Variants in SUN1 observed in about 807,000 individuals in gnomAD.
SUN1 encodes the protein SUN domain-containing protein 1.
Under a neutral mutation model 103.2 loss-of-function variants are expected in SUN1, and 61 were observed. The observed-to-expected ratio is 0.59, with a 90% CI of 0.48 to 0.73. The LOEUF is 0.73. Ranked by LOEUF, SUN1 falls within the 30% of genes least tolerant of loss-of-function variation. The pLI, the probability that SUN1 is intolerant of heterozygous loss-of-function variation, is 0.00. For missense variants in SUN1, 1,052 were observed against 1,034.6 expected (o/e 1.02, Z -0.23); for synonymous variants, 490 against 425.7 (o/e 1.15, Z -1.86).
At chr7:840,877 G>A (rs906839672) in intron 2 of SUN1, among the ~76,000 whole-genome samples, 29 of 152,046 alleles carry the variant, frequency 1.9e-4, no homozygotes, top group African/African-American at 5.5e-4. Context: ...TCCTGACCTC[G>A]TGATCCACCT....
At chr7:866,298 G>T (rs1836499964) in intron 16 of SUN1, among the ~76,000 whole-genome samples, 1 of 152,152 alleles carries the variant, frequency 6.6e-6, no homozygotes. Flanking sequence ...GGGACCGTGT[G>T]GCACATGCTG....
intron 2 of SUN1, among the ~76,000 whole-genome samples, chr7:840,346 C>T (rs1017209823): frequency 3.3e-5 from 5 of 152,226 alleles, no homozygotes; most frequent in Admixed American, 6.5e-5. Context: ...TTACCAGGGT[C>T]GCACAGCAGC....
At chr7:830,899 C>A, upstream of SUN1, 1 of 967,396 alleles carries the variant, frequency 1.0e-6, no homozygotes, top group Non-Finnish European at 1.2e-6. Context: ...TGCATTGCTG[C>A]TGGGCGGGGC....
Position 851,885 on chromosome 7 carries a change from G to C in SUN1, c.758-65G>C, listed in dbSNP as rs956989208. On this transcript the variant is annotated intron_variant, in intron 6 of 18. Transcript: ENST00000401592. Reference sequence around the variant, plus strand: ...TTCTAGCTTGGCCTTCACAGAAATGGTCCATTTAGGAGCTTGGTTTTCCTA... The same window carrying C: ...TTCTAGCTTGGCCTTCACAGAAATGCTCCATTTAGGAGCTTGGTTTTCCTA... 4 of 1,538,052 alleles carry C rather than the reference G, an allele frequency of 2.6e-6. No individual in the cohort carries two copies. The African/African-American group carries it at 5.5e-5, about 21-fold the overall frequency.
intron 15 of SUN1, among the ~76,000 whole-genome samples, chr7:865,684 G>A (rs972977366): frequency 2.0e-5 from 3 of 152,134 alleles, no homozygotes; most frequent in Non-Finnish European, 1.5e-5. Context: ...CATGGTGGTT[G>A]TACTAATTTC....
chr7:853,926 G>T (rs542816434), intron 10 of SUN1, among the ~76,000 whole-genome samples: 10 of 152,244 alleles, frequency 6.6e-5, no homozygotes, highest in Non-Finnish European at 2.9e-5. Flanking sequence ...TCTCCAGATT[G>T]CCCTCTTAGT....
chr7:850,988 T>C (rs1156604003), intron 5 of SUN1, among the ~76,000 whole-genome samples: 1 of 152,230 alleles, frequency 6.6e-6, no homozygotes, highest in African/African-American at 2.4e-5. Context: ...ACATATGAAC[T>C]GCAGGTGTCT....
chr7:816,236 G>A (rs760459263), upstream of SUN1: 544 of 82,908 alleles, frequency 6.6e-3, 2 homozygotes, highest in Middle Eastern at 0.043. Flanking sequence ...CCTCCCCCAG[G>A]TGCAGATCCC....
upstream of SUN1, among the ~76,000 whole-genome samples, chr7:815,680 A>G (rs1238919898): frequency 6.6e-6 from 1 of 152,258 alleles, no homozygotes; most frequent in Admixed American, 6.5e-5. Flanking sequence ...GACGCGGTGC[A>G]GTCCCCAGCA....
At chr7:839,101 G>A in intron 2 of SUN1, 115 bp downstream of exon 2, 2 of 1,078,130 alleles carry the variant, frequency 1.9e-6, no homozygotes, top group Admixed American at 6.2e-5. Context: ...ATATGTGTGT[G>A]TATGTGCGTG....
intron 5 of SUN1, among the ~76,000 whole-genome samples, chr7:845,484 A>G (rs1159956166): frequency 6.6e-6 from 1 of 152,154 alleles, no homozygotes; most frequent in African/African-American, 2.4e-5. Context: ...ATCAAAGAAC[A>G]TTGGAAAATC....
chr7:823,079 G>A (rs1242876983), intron 1 of SUN1, among the ~76,000 whole-genome samples: 2 of 152,396 alleles, frequency 1.3e-5, no homozygotes, highest in Admixed American at 6.5e-5. Context: ...GTAGAGAGCG[G>A]TGGAGACTGG....
At position 860,199 on chromosome 7, in the gene SUN1, G is replaced by A; in HGVS notation, c.1596G>A (p.Gln532=). The A allele has an allele frequency of 6.2e-7, 1 of 1,614,258 alleles. No individual in the cohort carries two copies. The highest frequency in any genetic ancestry group is 8.5e-7 in the Non-Finnish European group (1 of 1,180,042). Residue 532 remains glutamine (Q), a synonymous_variant, in exon 14 of 19, where the codon CAG becomes CAA. Coordinates refer to ENST00000401592, the MANE Select transcript of SUN1 (RefSeq NM_001130965.3). ...ATCAGCAAGGCGGTTCTCTGGAACA[G>A]CTGCTGCAGAGGTTCTCATCACAGT... is the stretch of plus-strand genomic sequence containing the variant. ...SEDQQGGSLE[Q]LLQRFSSQFV... is the part of the protein sequence containing the mutation.
intron 5 of SUN1, chr7:848,464 C>G: frequency 7.3e-7 from 1 of 1,364,340 alleles, no homozygotes; most frequent in Non-Finnish European, 9.8e-7. Flanking sequence ...TGGCCAGATA[C>G]ACTGCATCAT....
intron 10 of SUN1, among the ~76,000 whole-genome samples, 175 bp downstream of exon 10, chr7:853,793 G>A (rs1824433421): frequency 6.6e-6 from 1 of 152,230 alleles, no homozygotes; most frequent in African/African-American, 2.4e-5. Flanking sequence ...GTTTCCCGTC[G>A]TCTGCCGATG....
chr7:856,468 C>G, intron 12 of SUN1, 67 bp downstream of exon 12: 1 of 1,585,212 alleles, frequency 6.3e-7, no homozygotes, highest in Non-Finnish European at 8.7e-7. Context: ...GGAGCGGCAG[C>G]AGAGTGATGA....
chr7:832,734 A>C, intron 1 of SUN1, 133 bp downstream of exon 1: 1 of 720,916 alleles, frequency 1.4e-6, no homozygotes, highest in Non-Finnish European at 2.4e-6. Flanking sequence ...AAAATAATAA[A>C]CTGTATCTTA....
At position 852,909 on chromosome 7, in the gene SUN1, A is replaced by G; in HGVS notation, c.1010A>G (p.Asp337Gly). Residue 337 changes from aspartate to glycine, a missense_variant, in exon 9 of 19, where the codon GAC becomes GGC. This residue lies in a region of SUN1 where 846 missense variants were observed against 774.5 expected (regional missense o/e 1.09). Transcript: ENST00000401592. Reference sequence around the variant, plus strand: ...ACACAGCGGGTGGATGACCCCCAGGACGTGTTTAAACCCACGACTTCTCGC... The same window carrying G: ...ACACAGCGGGTGGATGACCCCCAGGGCGTGTTTAAACCCACGACTTCTCGC... ...HRTQRVDDPQ[D>G]VFKPTTSRLK... 6.2e-7 allele frequency: 1 copy of G among 1,614,068 alleles called. No individual in the cohort carries two copies. The highest frequency in any genetic ancestry group is 8.5e-7 in the Non-Finnish European group (1 of 1,180,010).
chr7:864,897 G>A (rs572319129), intron 15 of SUN1, among the ~76,000 whole-genome samples: 2 of 152,164 alleles, frequency 1.3e-5, no homozygotes, highest in East Asian at 3.9e-4. Flanking sequence ...CCAAAGTACT[G>A]GGATTACAGG....
Sources: allele counts gnomAD v4.1 joint callset (sites outside exome capture counted in the v4.1 genomes callset), GRCh38; gene constraint gnomAD v4.1.1; regional missense constraint gnomAD v4.1.1; transcripts MANE v1.5; gene names NCBI Gene and HGNC (gene_info 2026-07-23, HGNC 2026-07-21).